The following DTNBP1 variants were observed in gnomAD, a reference collection of about 807,000 sequenced individuals.
DTNBP1 encodes the protein dysbindin.
A neutral mutation model predicts 42.8 loss-of-function variants in DTNBP1; 35 were observed. The ratio of observed to expected loss-of-function variants is 0.82; its 90% CI spans 0.63 to 1.09. DTNBP1 has a LOEUF of 1.09. DTNBP1 is among the 50% of genes least tolerant of loss of function. The pLI is 0.00. For missense variants in DTNBP1, 457 were observed against 424.2 expected, an observed-to-expected ratio of 1.08 and a Z score of -0.68; for synonymous variants, 171 against 162.2, an observed-to-expected ratio of 1.05 and a Z score of -0.41.
intron 1 of DTNBP1, chr6:15,660,364 A>C: frequency 7.8e-7 from 1 of 1,289,756 alleles, no homozygotes; most frequent in Non-Finnish European, 1.0e-6. Context: ...GAACAGCTTA[A>C]ATGTAGGAAA....
chr6:15,546,300 C>T (rs1246865121), intron 7 of DTNBP1, among the ~76,000 whole-genome samples: 2 of 151,836 alleles, frequency 1.3e-5, no homozygotes, highest in African/African-American at 2.4e-5. Flanking sequence ...TCTCTGACCT[C>T]GTGATCCGCC....
intron 5 of DTNBP1, among the ~76,000 whole-genome samples, chr6:15,623,588 C>T (rs1326236969): frequency 6.6e-6 from 1 of 152,078 alleles, no homozygotes; most frequent in African/African-American, 2.4e-5. Context: ...AAACAAAACC[C>T]AGAATCTTCT....
At chr6:15,636,254 G>A (rs891163906) in intron 4 of DTNBP1, among the ~76,000 whole-genome samples, 7 of 148,364 alleles carry the variant, frequency 4.7e-5, no homozygotes, top group African/African-American at 7.6e-5. Context: ...AGGTTGAAGC[G>A]ATTCTTCTGC....
intron 6 of DTNBP1, among the ~76,000 whole-genome samples, chr6:15,602,048 G>T (rs912522042): frequency 1.3e-5 from 2 of 151,896 alleles, no homozygotes; most frequent in African/African-American, 2.4e-5. Context: ...GAGGCAGGAG[G>T]ACCTCTTGAG....
At chr6:15,660,415 C>G (rs1447282259) in intron 1 of DTNBP1, 3 of 1,289,576 alleles carry the variant, frequency 2.3e-6, no homozygotes, top group African/African-American at 3.0e-5. Context: ...ACTAGAGGTC[C>G]GGGTCTACTG....
At chr6:15,535,044 C>T (rs1773129928) in intron 7 of DTNBP1, among the ~76,000 whole-genome samples, 1 of 152,082 alleles carries the variant, frequency 6.6e-6, no homozygotes, top group African/African-American at 2.4e-5. Context: ...GTGTTCCCAC[C>T]CAAATCTCAT....
At position 15,554,731 on chromosome 6, in the gene DTNBP1, C is replaced by T. The variant is rs564924297; in HGVS notation, c.512-21336G>A. The stretch of plus-strand genomic sequence containing the variant: ...TGCACACATGCAACGGAGCTTCATG[C>T]TCCTTCATGGGACTGATGTACAAAA... On this transcript the variant is annotated intron_variant, in intron 7 of 9. Coordinates refer to ENST00000344537, the MANE Select transcript of DTNBP1 (RefSeq NM_032122.5). 2.6e-5 allele frequency among the ~76,000 whole-genome samples: 4 copies of T among 152,016 alleles called. No homozygotes were observed. In the East Asian group the frequency reaches 7.7e-4, roughly 29 times the overall value.
intron 7 of DTNBP1, among the ~76,000 whole-genome samples, chr6:15,542,908 C>T (rs1773661308): frequency 6.6e-6 from 1 of 152,058 alleles, no homozygotes; most frequent in South Asian, 2.1e-4. Flanking sequence ...CCATGTTGGC[C>T]AGGCTGGTCT....
At chr6:15,648,032 T>C (rs1760780291) in intron 3 of DTNBP1, among the ~76,000 whole-genome samples, 2 of 151,922 alleles carry the variant, frequency 1.3e-5, no homozygotes, top group African/African-American at 4.8e-5. Context: ...AACTAAATTC[T>C]GCACTGTGTT....
At position 15,646,485 on chromosome 6, in the gene DTNBP1, A is replaced by C. The variant is rs541070436; in HGVS notation, c.161+4828T>G. Among the ~76,000 whole-genome samples the C allele has an allele frequency of 3.5e-4, 53 of 151,754 alleles. 2 individuals are homozygous for C. The highest frequency in any genetic ancestry group is 3.4e-3 in the Middle Eastern group (1 of 294). On this transcript the variant is annotated intron_variant, in intron 3 of 9. Coordinates refer to ENST00000344537, the MANE Select transcript of DTNBP1 (RefSeq NM_032122.5). ...TCAGTGCAATTCCCATCAAATTACC[A>C]ATGCCATTTTCCCCAAAATCAGAAA... is the stretch of plus-strand genomic sequence containing the variant.
intron 7 of DTNBP1, among the ~76,000 whole-genome samples, chr6:15,578,153 A>C (rs1340755120): frequency 6.6e-6 from 1 of 152,170 alleles, no homozygotes; most frequent in Non-Finnish European, 1.5e-5. Context: ...CTTGCTGTGG[A>C]AGCAGGGACA....
At chr6:15,564,922 C>T (rs894904562) in intron 7 of DTNBP1, among the ~76,000 whole-genome samples, 7 of 152,062 alleles carry the variant, frequency 4.6e-5, no homozygotes, top group African/African-American at 1.4e-4. Flanking sequence ...TGAGACCAGC[C>T]TAGGCAATAT....
intron 4 of DTNBP1, among the ~76,000 whole-genome samples, chr6:15,628,921 T>C (rs1759520570): frequency 6.6e-6 from 1 of 152,248 alleles, no homozygotes; most frequent in African/African-American, 2.4e-5. Context: ...CCCTGTGGTT[T>C]CTCAGCCCAC....
intron 6 of DTNBP1, among the ~76,000 whole-genome samples, chr6:15,608,920 C>T (rs910232472): frequency 3.3e-5 from 5 of 152,088 alleles, no homozygotes; most frequent in African/African-American, 9.7e-5. Flanking sequence ...CTCATTTTGT[C>T]GGGCACTTCA....
At chr6:15,524,077 C>T (rs750281868) in intron 9 of DTNBP1, 1 of 1,313,510 alleles carries the variant, frequency 7.6e-7, no homozygotes, top group Non-Finnish European at 9.9e-7. Context: ...ACTAAGTTTA[C>T]AACACAGGCC....
chr6:15,614,698 T>C (rs1326657523), intron 6 of DTNBP1, among the ~76,000 whole-genome samples: 1 of 152,242 alleles, frequency 6.6e-6, no homozygotes, highest in Admixed American at 6.5e-5. Flanking sequence ...AACTAATATT[T>C]ACAAAGCACT....
chr6:15,651,161 C>T, intron 3 of DTNBP1, 152 bp downstream of exon 3: 9 of 742,256 alleles, frequency 1.2e-5, no homozygotes, highest in Non-Finnish European at 2.1e-5. Context: ...AAAGTGAAAG[C>T]CCTCAAGGAA....
At chr6:15,606,996 T>C (rs969721615) in intron 6 of DTNBP1, among the ~76,000 whole-genome samples, 11 of 150,438 alleles carry the variant, frequency 7.3e-5, no homozygotes, top group African/African-American at 2.7e-4. Flanking sequence ...TGTGAAATGC[T>C]GAGTCAAAAA....
intron 5 of DTNBP1, among the ~76,000 whole-genome samples, chr6:15,615,840 T>A (rs901272762): frequency 7.9e-5 from 12 of 152,258 alleles, no homozygotes; most frequent in Non-Finnish European, 1.8e-4. Context: ...TACGTTAGCA[T>A]TTGTTTTGCC....
Sources: allele counts gnomAD v4.1 joint callset (sites outside exome capture counted in the v4.1 genomes callset), GRCh38; gene constraint gnomAD v4.1.1; transcripts MANE v1.5; gene names NCBI Gene and HGNC (gene_info 2026-07-23, HGNC 2026-07-21).